COA1: variants seen among roughly 807,000 people sequenced by gnomAD.
The protein encoded by COA1 is cytochrome c oxidase assembly factor 1.
A neutral mutation model predicts 16.0 loss-of-function variants in COA1; 13 were observed. The observed-to-expected ratio is 0.81, with a 90% confidence interval of 0.53 to 1.29. The LOEUF (loss-of-function observed/expected upper bound fraction) is 1.29, where lower values mean the gene tolerates loss of function less well. COA1 is among the 50% of genes most tolerant of loss of function. The probability of loss-of-function intolerance (pLI) is 0.00; values close to 1 mark genes in which losing one functional copy is unlikely to be tolerated. For synonymous variants in COA1, 65 were observed against 65.7 expected (o/e 0.99, Z 0.05); for missense variants, 179 against 177.0 (o/e 1.01, Z -0.06).
At chr7:43,693,202 T>C (rs2094430817) in intron 1 of COA1, among the ~76,000 whole-genome samples, 1 of 152,122 alleles carries the variant, frequency 6.6e-6, no homozygotes, top group Non-Finnish European at 1.5e-5. Context: ...CTCACTGCCA[T>C]TTCCAAATCA....
At chr7:43,683,119 A>G (rs2093846273) in intron 1 of COA1, among the ~76,000 whole-genome samples, 1 of 152,066 alleles carries the variant, frequency 6.6e-6, no homozygotes, top group South Asian at 2.1e-4. Flanking sequence ...CGGCCTCCCA[A>G]AGTGCTAGGA....
intron 1 of COA1, among the ~76,000 whole-genome samples, chr7:43,692,006 T>C (rs1189960627): frequency 6.6e-6 from 1 of 152,168 alleles, no homozygotes; most frequent in Admixed American, 6.5e-5. Flanking sequence ...GCAGTGGACC[T>C]GGAAGTTACC....
At chr7:43,646,754 A>T in intron 3 of COA1, 1 of 385,598 alleles carries the variant, frequency 2.6e-6, no homozygotes, top group Non-Finnish European at 5.3e-6. Flanking sequence ...CTGCAACTCC[A>T]CCAACTCTGC....
intron 6 of COA1, among the ~76,000 whole-genome samples, chr7:43,621,812 T>C (rs1195476876): frequency 6.6e-6 from 1 of 152,172 alleles, no homozygotes; most frequent in African/African-American, 2.4e-5. Context: ...CTAAAAATGA[T>C]TCAAAAGTAC....
intron 1 of COA1, among the ~76,000 whole-genome samples, chr7:43,700,529 GAT>G (rs142644587): frequency 0.01 from 1,464 of 142,432 alleles, 13 homozygotes; most frequent in African/African-American, 0.032. Flanking sequence ...AATGTAGGCA[GAT>G]ATATATATAT....
chr7:43,690,991 G>A (rs1055474972), intron 1 of COA1, among the ~76,000 whole-genome samples: 8 of 138,408 alleles, frequency 5.8e-5, no homozygotes, highest in African/African-American at 2.2e-4. Context: ...GCTAAGGCAG[G>A]AGACTCACTT....
intron 1 of COA1, among the ~76,000 whole-genome samples, chr7:43,723,633 A>T (rs541653652): frequency 6.6e-6 from 1 of 152,236 alleles, no homozygotes; most frequent in Admixed American, 6.5e-5. Context: ...GAAAGCATTA[A>T]GAAAAAAAAA....
At chr7:43,664,849 C>CA (rs1193664697) in intron 1 of COA1, among the ~76,000 whole-genome samples, 2 of 152,212 alleles carry the variant, frequency 1.3e-5, no homozygotes, top group African/African-American at 2.4e-5. Flanking sequence ...TAAAGCAGAA[C>CA]AGAGCTCCTG....
intron 1 of COA1, among the ~76,000 whole-genome samples, chr7:43,711,838 C>G (rs2095258287): frequency 6.6e-6 from 1 of 152,166 alleles, no homozygotes; most frequent in Admixed American, 6.6e-5. Flanking sequence ...CTTATGGAAC[C>G]AGTGTCATCT....
chr7:43,647,724 A>G, intron 2 of COA1, 90 bp from the exon 3 acceptor site: 1 of 954,464 alleles, frequency 1.0e-6, no homozygotes, highest in Non-Finnish European at 1.6e-6. Context: ...GGAAAGAAGC[A>G]TTAAGGAAGC....
chr7:43,724,358 G>A (rs1009228320), intron 1 of COA1, among the ~76,000 whole-genome samples: 1 of 152,012 alleles, frequency 6.6e-6, no homozygotes, highest in South Asian at 2.1e-4. Flanking sequence ...TTCAAGACCA[G>A]CCTGGCCAAC....
intron 1 of COA1, among the ~76,000 whole-genome samples, chr7:43,696,750 G>A (rs2094541339): frequency 6.6e-6 from 1 of 152,076 alleles, no homozygotes; most frequent in Non-Finnish European, 1.5e-5. Flanking sequence ...TTCTGAGCAG[G>A]AAGGAAGACA....
At chr7:43,625,064 TAAG>T (rs2084357435) in intron 6 of COA1, 1 of 362,660 alleles carries the variant, frequency 2.8e-6, no homozygotes, top group Non-Finnish European at 4.9e-6. Context: ...ATGTTATTTT[TAAG>T]AAGGGAGATG....
chr7:43,669,376 A>C (rs1388111306), intron 1 of COA1, among the ~76,000 whole-genome samples: 1 of 152,158 alleles, frequency 6.6e-6, no homozygotes, highest in African/African-American at 2.4e-5. Context: ...ACAGGCCATT[A>C]GAAACTGGGT....
rs1563383896 is a variant in COA1 at position 43,691,366 on chromosome 7, AGGG to A, written c.-39+38060_-39+38062del. Among the ~76,000 whole-genome samples the A allele has an allele frequency of 8.9e-3, 592 of 66,446 alleles. 24 individuals are homozygous for A. The highest frequency in any genetic ancestry group is 0.01 in the Non-Finnish European group (362 of 36,036). The allele number at this position is 66,446 out of a possible 152,430, so 43.6% of individuals were successfully genotyped here. A position where few individuals can be genotyped will look rare whatever the true frequency, so the allele number is the denominator to read the frequency against. ...GAGGGAGGGAGGGAGGGAGGGAGGG[AGGG>A]AGGGAGGGAGGAAGGAAGGAAGGAA... On this transcript the variant is annotated intron_variant, in intron 1 of 5. Transcript: ENST00000223336.
At chr7:43,649,577 A>G (rs1401134176) in intron 1 of COA1, 4 of 152,250 alleles carry the variant, frequency 2.6e-5, no homozygotes, top group Non-Finnish European at 5.9e-5. Flanking sequence ...CAGTAAGAAT[A>G]TAAAAACAGT....
rs146011819 is a variant in COA1 at position 43,693,506 on chromosome 7, A to T, written c.-39+35923T>A. Among the ~76,000 whole-genome samples the T allele has an allele frequency of 8.2e-3, 1,241 of 151,992 alleles. 22 individuals are homozygous for T. Among genetic ancestry groups the T allele is most frequent in the African/African-American group, 0.028 (1,145 of 41,436 alleles). ...GAACTTGTCATTACCAATAGCTGAC[A>T]CCCTCCACAATCTCAATTTCTAGCA... On this transcript the variant is annotated intron_variant, in intron 1 of 5. Coordinates refer to ENST00000223336, the MANE Select transcript of COA1 (RefSeq NM_018224.4).
intron 6 of COA1, among the ~76,000 whole-genome samples, chr7:43,620,673 C>CAAA (rs34416780): frequency 7.6e-6 from 1 of 131,314 alleles, no homozygotes. Flanking sequence ...GACTCCGTCT[C>CAAA]AAAAAAAAAA....
chr7:43,714,035 C>T (rs187039030), intron 1 of COA1, among the ~76,000 whole-genome samples: 2 of 150,032 alleles, frequency 1.3e-5, no homozygotes, highest in African/African-American at 4.9e-5. Context: ...ACACAGATGG[C>T]AGGAAAAAAA....
Sources: gnomAD v4.1 joint callset for allele counts (sites outside exome capture counted in the v4.1 genomes callset) on GRCh38, gnomAD v4.1.1 for gene constraint, MANE v1.5 for transcripts, NCBI Gene and HGNC (gene_info 2026-07-23, HGNC 2026-07-21) for gene names.